The following MED8 variants were observed in gnomAD, a reference collection of about 807,000 sequenced individuals.
The protein encoded by MED8 is mediator complex subunit 8, also known as mediator of RNA polymerase II transcription subunit 8.
MED8 carries 22 observed loss-of-function variants against 34.8 expected under a neutral mutation model. That is an observed-to-expected ratio of 0.63 (90% CI 0.45 to 0.90). The LOEUF (loss-of-function observed/expected upper bound fraction) is 0.90, where lower values mean the gene tolerates loss of function less well. MED8 is among the 40% of genes least tolerant of loss of function. The probability of loss-of-function intolerance (pLI) is 0.00; values close to 1 mark genes in which losing one functional copy is unlikely to be tolerated. For missense variants in MED8, 260 were observed against 326.3 expected, an observed-to-expected ratio of 0.80 and a Z score of 1.57; for synonymous variants, 105 against 120.2, an observed-to-expected ratio of 0.87 and a Z score of 0.83.
intron 3 of MED8, among the ~76,000 whole-genome samples, 183 bp from the exon 4 acceptor site, chr1:43,387,181 C>T (rs1008019077): frequency 6.6e-6 from 1 of 152,190 alleles, no homozygotes. Flanking sequence ...TGTCTTCTCA[C>T]ATCCCTATCT....
In MED8 at chr1:43,385,122, A is replaced by G; in HGVS notation, c.743-16T>C. The G allele has an allele frequency of 6.4e-7, 1 of 1,552,342 alleles. No homozygotes were observed. The highest frequency in any genetic ancestry group is 8.7e-7 in the Non-Finnish European group (1 of 1,147,356). On this transcript the variant is annotated splice_polypyrimidine_tract_variant and intron_variant, in intron 6 of 6. Coordinates refer to ENST00000372457, the MANE Select transcript of MED8 (RefSeq NM_201542.5). ...GGCATTTTCCCTGAAAGGAACATTA[A>G]AAAAGTCATCTTAAGCAAGGTAAGA... is the stretch of plus-strand genomic sequence containing the variant.
At chr1:43,388,105 G>C (rs1647807297) in intron 2 of MED8, among the ~76,000 whole-genome samples, 1 of 152,216 alleles carries the variant, frequency 6.6e-6, no homozygotes, top group South Asian at 2.1e-4. Flanking sequence ...TTGAAAGCTA[G>C]AAAGAACTTG....
At position 43,384,833 on chromosome 1, in the gene MED8, T is replaced by C. The variant is rs1647672317; in HGVS notation, c.*209A>G. The C allele has an allele frequency of 1.4e-6, 2 of 1,381,410 alleles. No individual in the cohort carries two copies. Among genetic ancestry groups the C allele is most frequent in the Admixed American group, 3.1e-5 (1 of 32,636 alleles). 85.6% of individuals were successfully genotyped at this position (1,381,410 alleles called of 1,614,324 possible). A position where few individuals can be genotyped will look rare whatever the true frequency, so the allele number is the denominator to read the frequency against. Reference sequence around the variant, plus strand: ...CACAACAACCCTATGAGGTAGGTATTATCACCATTTACAAATGAGAAACAG... The same window carrying C: ...CACAACAACCCTATGAGGTAGGTATCATCACCATTTACAAATGAGAAACAG... On this transcript the variant is annotated 3_prime_UTR_variant, in exon 7 of 7. Coordinates refer to ENST00000372457, the MANE Select transcript of MED8 (RefSeq NM_201542.5).
chr1:43,386,349 C>T lies in MED8; in HGVS notation c.494-123G>A, dbSNP rs1647732416. ...GAATTCAGCAACATCTAGACTCCCT[C>T]ACAGCCCAGAAAAAGAGCCAGAGGA... On this transcript the variant is annotated intron_variant, in intron 5 of 6. Transcript: ENST00000372457. This position sits in a 1 kb window ranked among gnomAD's most constrained non-coding sequence, Gnocchi z 4.9. The T allele has an allele frequency of 7.7e-7, 1 of 1,296,988 alleles. No homozygotes were observed. Among genetic ancestry groups the T allele is most frequent in the Non-Finnish European group, 1.0e-6 (1 of 963,542 alleles). 80.3% of individuals were successfully genotyped at this position (1,296,988 alleles called of 1,614,324 possible). A position where few individuals can be genotyped will look rare whatever the true frequency, so the allele number is the denominator to read the frequency against.
chr1:43,389,634 C>G, intron 1 of MED8, 125 bp downstream of exon 1: 1 of 1,416,266 alleles, frequency 7.1e-7, no homozygotes, highest in Non-Finnish European at 9.5e-7. Context: ...AGCCCACATT[C>G]CCTTATCAGC....
At position 43,387,490 on chromosome 1, in the gene MED8, T is replaced by C. The variant is rs1322446393; in HGVS notation, c.270+13A>G. ...CCTTAATTTCCCAAGTTGTATTCTTTTTCTCCTCTTACCATGAGATCTTCA... is the reference window on the plus strand; with the variant it reads ...CCTTAATTTCCCAAGTTGTATTCTTCTTCTCCTCTTACCATGAGATCTTCA... On this transcript the variant is annotated intron_variant, in intron 3 of 6. Coordinates refer to ENST00000372457, the MANE Select transcript of MED8 (RefSeq NM_201542.5). The C allele has an allele frequency of 1.2e-6, 2 of 1,613,470 alleles. No homozygotes were observed. The highest frequency in any genetic ancestry group is 3.3e-5 in the Admixed American group (2 of 59,896).
chr1:43,384,361 G>T lies in MED8; in HGVS notation c.*681C>A. ...TGAGAAAGCCTCGTGTGTATAAGGTGGGGTAAAGGATAGGGGACTTTATGA... is the reference window on the plus strand; with the variant it reads ...TGAGAAAGCCTCGTGTGTATAAGGTTGGGTAAAGGATAGGGGACTTTATGA... On this transcript the variant is annotated 3_prime_UTR_variant, in exon 7 of 7. Coordinates refer to ENST00000372457, the MANE Select transcript of MED8 (RefSeq NM_201542.5). 3 of 1,467,048 alleles carry T rather than the reference G, an allele frequency of 2.0e-6. No homozygotes were observed. The highest frequency in any genetic ancestry group is 1.8e-6 in the Non-Finnish European group (2 of 1,100,860). 90.9% of individuals were successfully genotyped at this position (1,467,048 alleles called of 1,614,324 possible). A position where few individuals can be genotyped will look rare whatever the true frequency, so the allele number is the denominator to read the frequency against.
rs1647772191 is a variant in MED8 at position 43,387,432 on chromosome 1, A to T, written c.270+71T>A. ...TTCTAGGCTCTCAGCTAATAACTTA[A>T]TTTCCCTAAATACTAAAGAAGCCTA... On this transcript the variant is annotated intron_variant, in intron 3 of 6. Coordinates refer to ENST00000372457, the MANE Select transcript of MED8 (RefSeq NM_201542.5). The T allele has an allele frequency of 1.2e-5, 18 of 1,541,552 alleles. No homozygotes were observed. In the South Asian group the frequency reaches 1.9e-4, roughly 16 times the overall value.
Position 43,387,648 on chromosome 1 carries a change from C to A in MED8, c.126-1G>T. The A allele has an allele frequency of 6.2e-7, 1 of 1,613,854 alleles. No homozygotes were observed. The highest frequency in any genetic ancestry group is 8.5e-7 in the Non-Finnish European group (1 of 1,179,842). Reference sequence around the variant, plus strand: ...GGCAAAGCTGTCCAGGACAGATGGCCTGGTGGTGGTAACAAGGTGTAAGAA... The same window carrying A: ...GGCAAAGCTGTCCAGGACAGATGGCATGGTGGTGGTAACAAGGTGTAAGAA... On this transcript the variant is annotated splice_acceptor_variant, in intron 2 of 6. Coordinates refer to ENST00000372457, the MANE Select transcript of MED8 (RefSeq NM_201542.5). LOFTEE classifies it high-confidence loss of function.
intron 3 of MED8, 137 bp downstream of exon 3, chr1:43,387,365 TC>T: frequency 8.6e-7 from 1 of 1,167,048 alleles, no homozygotes; most frequent in Non-Finnish European, 1.2e-6. Context: ...GGAGTGGCTC[TC>T]CCGCCTTCAG....
chr1:43,386,238 G>T lies in MED8; in HGVS notation c.494-12C>A. ...GTTCGGCCGGAGACCTGAAGAAAAAGTAATGGGGATCCTGAAGTATGCTTC... is the reference window on the plus strand; with the variant it reads ...GTTCGGCCGGAGACCTGAAGAAAAATTAATGGGGATCCTGAAGTATGCTTC... On this transcript the variant is annotated splice_polypyrimidine_tract_variant and intron_variant, in intron 5 of 6. Coordinates refer to ENST00000372457, the MANE Select transcript of MED8 (RefSeq NM_201542.5). This position sits in a 1 kb window ranked among gnomAD's most constrained non-coding sequence, Gnocchi z 4.9. 6.2e-7 allele frequency: 1 copy of T among 1,609,838 alleles called. No homozygotes were observed.
In MED8 at chr1:43,384,700, T is replaced by C. The variant is rs757620149; in HGVS notation, c.*342A>G. ...TTAGGGTAAGTTCTGGATCAAGGAC[T>C]GTGGAGGGTGGTGGGGAGAAGGATC... is the stretch of plus-strand genomic sequence containing the variant. On this transcript the variant is annotated 3_prime_UTR_variant, in exon 7 of 7. Coordinates refer to ENST00000372457, the MANE Select transcript of MED8 (RefSeq NM_201542.5). 51 of 1,447,692 alleles carry C rather than the reference T, an allele frequency of 3.5e-5. No homozygotes were observed. The highest frequency in any genetic ancestry group is 4.5e-5 in the Non-Finnish European group (50 of 1,101,966). The allele number at this position is 1,447,692 out of a possible 1,614,324, so 89.7% of individuals were successfully genotyped here. A position where few individuals can be genotyped will look rare whatever the true frequency, so the allele number is the denominator to read the frequency against.
At position 43,385,017 on chromosome 1, in the gene MED8, A is replaced by G. The variant is rs1570502211; in HGVS notation, c.*25T>C. ...ACTGCCCAACTCTGCAAAGAGCACCAGGGAGTCGAGGTTGCCAGCCACACT... is the reference window on the plus strand; with the variant it reads ...ACTGCCCAACTCTGCAAAGAGCACCGGGGAGTCGAGGTTGCCAGCCACACT... On this transcript the variant is annotated 3_prime_UTR_variant, in exon 7 of 7. Coordinates refer to ENST00000372457, the MANE Select transcript of MED8 (RefSeq NM_201542.5). 1 of 1,552,800 alleles carries G rather than the reference A, an allele frequency of 6.4e-7. No individual in the cohort carries two copies. Among genetic ancestry groups the G allele is most frequent in the Non-Finnish European group, 8.7e-7 (1 of 1,147,780 alleles).
Position 43,386,412 on chromosome 1 carries a change from GC to G in MED8, c.493+176del. The G allele has an allele frequency of 1.9e-6, 2 of 1,039,260 alleles. No individual in the cohort carries two copies. The highest frequency in any genetic ancestry group is 2.7e-6 in the Non-Finnish European group (2 of 728,898). 64.4% of individuals were successfully genotyped at this position (1,039,260 alleles called of 1,614,324 possible). Reference sequence around the variant, plus strand: ...TCTCAGAATTCTCTCTTCTTACTTTGCCCATTTCCTCCACTGCTTCAGTGCT... The same window carrying G: ...TCTCAGAATTCTCTCTTCTTACTTTGCCATTTCCTCCACTGCTTCAGTGCT... On this transcript the variant is annotated intron_variant, in intron 5 of 6. Transcript: ENST00000372457. This position sits in a 1 kb window ranked among gnomAD's most constrained non-coding sequence, Gnocchi z 4.9.
chr1:43,384,267 G>T lies in MED8; in HGVS notation c.*775C>A, dbSNP rs574249821. 1.1e-5 allele frequency: 7 copies of T among 629,772 alleles called. No individual in the cohort carries two copies. The highest frequency in any genetic ancestry group is 9.5e-5 in the African/African-American group (5 of 52,516). The allele number at this position is 629,772 out of a possible 1,614,324, so 39.0% of individuals were successfully genotyped here. A position where few individuals can be genotyped will look rare whatever the true frequency, so the allele number is the denominator to read the frequency against. ...CCAAAATAAGAAACATGAATCCAGG[G>T]GAAGGGGCTTTTTCGTGTGCTAAGG... On this transcript the variant is annotated 3_prime_UTR_variant, in exon 7 of 7. Coordinates refer to ENST00000372457, the MANE Select transcript of MED8 (RefSeq NM_201542.5).
chr1:43,386,440 G>T lies in MED8; in HGVS notation c.493+149C>A. The T allele has an allele frequency of 1.9e-6, 2 of 1,063,064 alleles. No homozygotes were observed. The highest frequency in any genetic ancestry group is 2.7e-6 in the Non-Finnish European group (2 of 738,424). 65.9% of individuals were successfully genotyped at this position (1,063,064 alleles called of 1,614,324 possible). A position where few individuals can be genotyped will look rare whatever the true frequency, so the allele number is the denominator to read the frequency against. On this transcript the variant is annotated intron_variant, in intron 5 of 6. Coordinates refer to ENST00000372457, the MANE Select transcript of MED8 (RefSeq NM_201542.5). This position sits in a 1 kb window ranked among gnomAD's most constrained non-coding sequence, Gnocchi z 4.9. ...CATTTCCTCCACTGCTTCAGTGCTG[G>T]CCTTAAATACAAAAGGCTAACAGAA... is the stretch of plus-strand genomic sequence containing the variant.
In MED8 at chr1:43,386,743, T is replaced by C; in HGVS notation, c.412-73A>G. The C allele has an allele frequency of 8.8e-6, 14 of 1,590,786 alleles. No individual in the cohort carries two copies. Among genetic ancestry groups the C allele is most frequent in the Non-Finnish European group, 1.2e-5 (14 of 1,167,070 alleles). On this transcript the variant is annotated intron_variant, in intron 4 of 6. Transcript: ENST00000372457. The surrounding 1 kb of genome is among the most constrained non-coding windows in gnomAD (Gnocchi z 4.9). ...ATGGAGAAATTTATTCCTTGGGTTC[T>C]GCCAGAAGCAACTTAGGCGCAACCA...
chr1:43,385,145 A>G (rs1489661729), intron 6 of MED8, 39 bp from the exon 7 acceptor site: 2 of 1,548,892 alleles, frequency 1.3e-6, no homozygotes, highest in Non-Finnish European at 1.7e-6. Context: ...AAGCAAGGTA[A>G]GACTTTCATG....
Position 43,387,664 on chromosome 1 carries a change from G to C in MED8, c.126-17C>G. 6.2e-7 allele frequency: 1 copy of C among 1,613,298 alleles called. No homozygotes were observed. Among genetic ancestry groups the C allele is most frequent in the Non-Finnish European group, 8.5e-7 (1 of 1,179,430 alleles). On this transcript the variant is annotated splice_polypyrimidine_tract_variant and intron_variant, in intron 2 of 6. Coordinates refer to ENST00000372457, the MANE Select transcript of MED8 (RefSeq NM_201542.5). ...ACAGATGGCCTGGTGGTGGTAACAA[G>C]GTGTAAGAATGTTGTACCCCTTCCC...
Sources: gnomAD v4.1 joint callset for allele counts (sites outside exome capture counted in the v4.1 genomes callset) on GRCh38, gnomAD v4.1.1 for gene constraint, Gnocchi (gnomAD v3.1) non-coding constraint, MANE v1.5 for transcripts, NCBI Gene and HGNC (gene_info 2026-07-23, HGNC 2026-07-21) for gene names.